The following GCN1 variants were observed in gnomAD, a reference collection of about 807,000 sequenced individuals.
GCN1 encodes GCN1 activator of EIF2AK4.
A neutral mutation model predicts 288.4 loss-of-function variants in GCN1; 90 were observed. The observed-to-expected ratio is 0.31, with a 90% CI of 0.26 to 0.37. The LOEUF (loss-of-function observed/expected upper bound fraction) is 0.37. GCN1 is among the 10% of genes least tolerant of loss of function. The pLI, the probability that GCN1 is intolerant of heterozygous loss-of-function variation, is 1.00. For missense variants in GCN1, 2,586 were observed against 3,419.9 expected, an observed-to-expected ratio of 0.76 and a Z score of 6.08; for synonymous variants, 1,386 against 1,420.2, an observed-to-expected ratio of 0.98 and a Z score of 0.54.
intron 22 of GCN1, among the ~76,000 whole-genome samples, chr12:120,160,685 C>T (rs1418747643): frequency 6.6e-6 from 1 of 152,182 alleles, no homozygotes; most frequent in Non-Finnish European, 1.5e-5. Flanking sequence ...CAACAAGCCA[C>T]AGAACTCACT....
At chr12:120,176,557 T>C (rs887146524) in intron 9 of GCN1, among the ~76,000 whole-genome samples, 6 of 152,182 alleles carry the variant, frequency 3.9e-5, no homozygotes, top group Non-Finnish European at 8.8e-5. Flanking sequence ...GAAAGTTCTT[T>C]TGGGGAGGTG....
intron 26 of GCN1, among the ~76,000 whole-genome samples, chr12:120,157,467 C>G (rs755666113): frequency 2.6e-5 from 4 of 152,038 alleles, no homozygotes; most frequent in African/African-American, 7.2e-5. Context: ...AAGTAAGGGG[C>G]ATATACATAC....
intron 12 of GCN1, among the ~76,000 whole-genome samples, chr12:120,174,499 T>C (rs1878414180): frequency 6.6e-6 from 1 of 152,086 alleles, no homozygotes. Context: ...TGTTAAAGCT[T>C]ATCTACTACT....
At chr12:120,167,453 A>G (rs1594279752) in intron 16 of GCN1, among the ~76,000 whole-genome samples, 2 of 152,130 alleles carry the variant, frequency 1.3e-5, no homozygotes, top group Admixed American at 6.5e-5. Flanking sequence ...GCACACTACC[A>G]TTTGTGTAAA....
intron 33 of GCN1, among the ~76,000 whole-genome samples, chr12:120,152,140 T>C (rs1480828516): frequency 1.3e-5 from 2 of 152,028 alleles, no homozygotes; most frequent in Admixed American, 6.6e-5. Context: ...AGCAATCCTA[T>C]TGCCTCGGTC....
Position 120,138,221 on chromosome 12 carries a change from C to T in GCN1, c.6249+102G>A, listed in dbSNP as rs375216790. On this transcript the variant is annotated intron_variant, in intron 47 of 57. Transcript: ENST00000300648. ...TAATGCTTGCACTGCACCCTCCTCC[C>T]CCAGCCCTCCAACATCTACGTTCAG... 2.0e-5 allele frequency: 19 copies of T among 951,212 alleles called. No homozygotes were observed. The African/African-American group carries it at 2.9e-4, about 14-fold the overall frequency. The allele number at this position is 951,212 out of a possible 1,614,324, so 58.9% of individuals were successfully genotyped here.
At chr12:120,174,200 A>T in intron 12 of GCN1, 31 bp from the exon 13 acceptor site, 1 of 1,243,024 alleles carries the variant, frequency 8.0e-7, no homozygotes, top group Non-Finnish European at 1.2e-6. Context: ...TCAGTCTCTT[A>T]TCAGCACAGA....
Position 120,155,199 on chromosome 12 carries a change from C to A in GCN1, c.3630+42G>T. Reference sequence around the variant, plus strand: ...CGGGGTGAGCAGAGACCCACCCAACCGCACACACCCAGACTGCATCAGGGC... The same window carrying A: ...CGGGGTGAGCAGAGACCCACCCAACAGCACACACCCAGACTGCATCAGGGC... On this transcript the variant is annotated intron_variant, in intron 30 of 57. Transcript: ENST00000300648. The surrounding 1 kb of genome is among the most constrained non-coding windows in gnomAD (Gnocchi z 4.9). 6.3e-7 allele frequency: 1 copy of A among 1,593,160 alleles called. No individual in the cohort carries two copies. The highest frequency in any genetic ancestry group is 8.6e-7 in the Non-Finnish European group (1 of 1,161,202).
rs1425312342 is a variant in GCN1 at position 120,134,153 on chromosome 12, T to C, written c.7317+138A>G. 1 of 626,348 alleles carries C rather than the reference T, an allele frequency of 1.6e-6. No individual in the cohort carries two copies. The highest frequency in any genetic ancestry group is 2.9e-6 in the Non-Finnish European group (1 of 346,982). The allele number at this position is 626,348 out of a possible 1,614,324, so 38.8% of individuals were successfully genotyped here. A position where few individuals can be genotyped will look rare whatever the true frequency, so the allele number is the denominator to read the frequency against. ...AACCCGAGGAAATGTTGGTGAAGCA[T>C]ACAGGGTGATAGAAATGTCAGGAAT... On this transcript the variant is annotated intron_variant, in intron 53 of 57. Transcript: ENST00000300648. The surrounding 1 kb of genome is among the most constrained non-coding windows in gnomAD (Gnocchi z 5.0).
Position 120,134,528 on chromosome 12 carries a change from C to T in GCN1, c.7202+5G>A, listed in dbSNP as rs372130851. On this transcript the variant is annotated splice_donor_5th_base_variant and intron_variant, in intron 52 of 57. Transcript: ENST00000300648. The surrounding 1 kb of genome is among the most constrained non-coding windows in gnomAD (Gnocchi z 5.0). ...GGCCACAGTGCTCCCTTGCCAGCGC[C>T]GTACCTGACACCTGGGTCCTCCATG... 4.3e-6 allele frequency: 7 copies of T among 1,612,192 alleles called. No homozygotes were observed. The highest frequency in any genetic ancestry group is 4.0e-5 in the African/African-American group (3 of 74,902).
Position 120,153,447 on chromosome 12 carries a change from C to T in GCN1, c.3868-40G>A, listed in dbSNP as rs10735071. On this transcript the variant is annotated intron_variant, in intron 32 of 57. Transcript: ENST00000300648. The surrounding 1 kb of genome is among the most constrained non-coding windows in gnomAD (Gnocchi z 4.4). The stretch of plus-strand genomic sequence containing the variant: ...CCCTCAGAGCCTCAGGTCAACCCTA[C>T]AGGCTGCATCTGGGGACAACAGTCC... The T allele has an allele frequency of 0.8, 1,265,261 of 1,582,478 alleles. 509,027 individuals are homozygous for T. The highest frequency in any genetic ancestry group is 0.99 in the East Asian group (44,043 of 44,710).
rs1228612275 is a variant in GCN1, at chr12:120,162,174, C to CT, written c.2164-117dup. 6 of 826,194 alleles carry CT rather than the reference C, an allele frequency of 7.3e-6. No individual in the cohort carries two copies. The Admixed American group carries it at 9.8e-5, about 13-fold the overall frequency. 51.2% of individuals were successfully genotyped at this position (826,194 alleles called of 1,614,324 possible). A position where few individuals can be genotyped will look rare whatever the true frequency, so the allele number is the denominator to read the frequency against. ...CCTTCTTTATGCCACTGCCTTGTTA[C>CT]TCCTGGGCAATGCCCATCACAGTGG... On this transcript the variant is annotated intron_variant, in intron 20 of 57. Transcript: ENST00000300648.
chr12:120,183,699 G>T lies in GCN1; in HGVS notation c.318-22C>A, dbSNP rs189478937. 1.2e-3 allele frequency: 1,711 copies of T among 1,441,420 alleles called. 31 individuals carry two copies. The East Asian group carries it at 0.026, about 22-fold the overall frequency. 89.3% of individuals were successfully genotyped at this position (1,441,420 alleles called of 1,614,324 possible). ...CTTACTGCAGAGCAGAGTTGGGGAT[G>T]AGTTCAGAGCAGCAGCCTCCACCTT... On this transcript the variant is annotated intron_variant, in intron 4 of 57. Transcript: ENST00000300648.
chr12:120,155,567 GA>G lies in GCN1; in HGVS notation c.3440+24del. 6.2e-7 allele frequency: 1 copy of G among 1,613,736 alleles called. No individual in the cohort carries two copies. ...TAAAGGAAGAGAGGATGCAGCAGGA[GA>G]AAGCGACATGCTGGCTCTCTCACCT... On this transcript the variant is annotated intron_variant, in intron 29 of 57. Coordinates refer to ENST00000300648, the MANE Select transcript of GCN1 (RefSeq NM_006836.2). This position sits in a 1 kb window ranked among gnomAD's most constrained non-coding sequence, Gnocchi z 4.9.
rs1390210111 is a variant in GCN1, at chr12:120,173,741, A to T, written c.1278T>A (p.Thr426=). The change falls in exon 14 of 58, where the codon ACT becomes ACA. Residue 426 remains threonine, a synonymous_variant. Transcript: ENST00000300648. ...GGCTGAAAGCTTTTTTGAACCATTC[A>T]GTGAGCTTCTTGGGCACTTCCATAG... ...RFTMEVPKKL[T]EWFKKAFSLK... 1 of 1,613,196 alleles carries T rather than the reference A, an allele frequency of 6.2e-7. No individual in the cohort carries two copies. The highest frequency in any genetic ancestry group is 1.1e-5 in the South Asian group (1 of 91,060).
chr12:120,150,241 C>G (rs1877496155), intron 34 of GCN1, among the ~76,000 whole-genome samples, 198 bp from the exon 35 acceptor site: 1 of 152,156 alleles, frequency 6.6e-6, no homozygotes, highest in African/African-American at 2.4e-5. Context: ...AGGAATGTGG[C>G]TGAGCGAAAG....
intron 14 of GCN1, 72 bp downstream of exon 14, chr12:120,173,581 C>G: frequency 1.2e-6 from 1 of 843,946 alleles, no homozygotes; most frequent in South Asian, 1.6e-5. Context: ...AAAGCGGGAA[C>G]ACTAACAATA....
chr12:120,190,388 G>C lies in GCN1; in HGVS notation c.31C>G (p.Leu11Val). ...GTCACCTTCCCTGCAAAACGCTTTA[G>C]TGTCTCGGAAACCTGTGAAGGCCAA... The part of the protein sequence containing the change: MAADTQVSET[L>V]KRFAGKVTTA... Residue 11 changes from leucine (L) to valine (V), a missense_variant, in exon 2 of 58, where the codon CTA (leucine) becomes GTA (valine). Around this residue, in one of 8 missense-constraint regions of GCN1, gnomAD observed 913 missense variants for 1,107.0 expected, o/e 0.82. Transcript: ENST00000300648. 1 of 1,597,418 alleles carries C rather than the reference G, an allele frequency of 6.3e-7. No homozygotes were observed. The highest frequency in any genetic ancestry group is 8.6e-7 in the Non-Finnish European group (1 of 1,164,976).
chr12:120,167,042 T>C (rs560376808), intron 16 of GCN1, among the ~76,000 whole-genome samples: 13 of 150,200 alleles, frequency 8.7e-5, no homozygotes, highest in Admixed American at 7.3e-4. Context: ...CAAATTACTA[T>C]GGAGTTATAA....
Sources: gnomAD v4.1 joint callset for allele counts (sites outside exome capture counted in the v4.1 genomes callset) on GRCh38, gnomAD v4.1.1 for gene constraint, gnomAD v4.1.1 regional missense constraint, Gnocchi (gnomAD v3.1) non-coding constraint, MANE v1.5 for transcripts, NCBI Gene and HGNC (gene_info 2026-07-23, HGNC 2026-07-21) for gene names.